Variants in TMEM94 observed in about 807,000 individuals in gnomAD.
TMEM94 encodes the protein ER Mg2+ ATPase.
In TMEM94, 81 loss-of-function variants were observed where a neutral mutation model predicts 158.6. The observed-to-expected ratio is 0.51, with a 90% CI of 0.43 to 0.61. The LOEUF is 0.61. Among genes scored for constraint, TMEM94 ranks in the 20% least tolerant of loss-of-function variants. The pLI, the probability that TMEM94 is intolerant of heterozygous loss-of-function variation, is 0.00. For missense variants in TMEM94, 1,435 were observed against 1,762.0 expected, an observed-to-expected ratio of 0.81 and a Z score of 3.32; for synonymous variants, 751 against 730.7, an observed-to-expected ratio of 1.03 and a Z score of -0.45.
At chr17:75,486,829 G>C (rs2051660993) in intron 5 of TMEM94, among the ~76,000 whole-genome samples, 2 of 152,228 alleles carry the variant, frequency 1.3e-5, no homozygotes, top group South Asian at 4.1e-4. Context: ...GGTGGGGTAG[G>C]GGCCGGGAGC....
chr17:75,489,591 A>C lies in TMEM94; in HGVS notation c.883A>C (p.Thr295Pro). ...VPVVLAGFLI[T>P]NALRFIFSAP... ...TTCCCAACAGGCCGGCTTCCTCATC[A>C]CCAATGCCCTGCGCTTCATCTTCAG... Residue 295 changes from threonine to proline, a missense_variant, in exon 9 of 32, where the codon ACC becomes CCC. Thr to Pro is a conservative substitution (Grantham distance 38). This residue lies in a region of TMEM94 where 1,051 missense variants were observed against 1,254.4 expected (regional missense o/e 0.84). Transcript: ENST00000314256. The surrounding 1 kb of genome is among the most constrained non-coding windows in gnomAD (Gnocchi z 5.0). 1 of 1,613,782 alleles carries C rather than the reference A, an allele frequency of 6.2e-7. No homozygotes were observed. Among genetic ancestry groups the C allele is most frequent in the South Asian group, 1.1e-5 (1 of 91,054 alleles).
In TMEM94 at chr17:75,491,492, A is replaced by T; in HGVS notation, c.1386+37A>T. The stretch of plus-strand genomic sequence containing the variant: ...GGTACGGCCGGCTCCCATGGGCCCG[A>T]CTCTGGGCCAGGCTGTTTAGCCTTG... On this transcript the variant is annotated intron_variant, in intron 13 of 31. Transcript: ENST00000314256. The surrounding 1 kb of genome is among the most constrained non-coding windows in gnomAD (Gnocchi z 5.1). The T allele has an allele frequency of 6.2e-7, 1 of 1,613,316 alleles. No homozygotes were observed. The highest frequency in any genetic ancestry group is 8.5e-7 in the Non-Finnish European group (1 of 1,179,850).
rs1336158624 is a variant in TMEM94, at chr17:75,497,871, A to AAC, written c.3489+11_3489+12dup. 1.2e-6 allele frequency: 2 copies of AAC among 1,610,710 alleles called. No individual in the cohort carries two copies. Among genetic ancestry groups the AAC allele is most frequent in the Non-Finnish European group, 1.7e-6 (2 of 1,177,248 alleles). On this transcript the variant is annotated intron_variant, in intron 27 of 31. Transcript: ENST00000314256. ...AGTCCATTCCCAAGAAGGTAAGCAA[A>AAC]ACAGACCCTGTGAGCCTTGCAAGTG...
At chr17:75,466,805 T>C (rs886253500) in intron 1 of TMEM94, among the ~76,000 whole-genome samples, 1 of 150,080 alleles carries the variant, frequency 6.7e-6, no homozygotes, top group Non-Finnish European at 1.5e-5. Context: ...GCAACAGGAG[T>C]GGGAAAAAAA....
rs769446223 is a variant in TMEM94, at chr17:75,492,429, C to G, written c.1597-45C>G. The G allele has an allele frequency of 1.3e-6, 2 of 1,539,586 alleles. No homozygotes were observed. The highest frequency in any genetic ancestry group is 8.8e-7 in the Non-Finnish European group (1 of 1,140,346). On this transcript the variant is annotated intron_variant, in intron 14 of 31. Transcript: ENST00000314256. This position sits in a 1 kb window ranked among gnomAD's most constrained non-coding sequence, Gnocchi z 4.4. ...GTGGGCAGAGCCAGTGCTGGCTTCCCCACACCCTATCCCGGGCTGAGGCTC... is the reference window on the plus strand; with the variant it reads ...GTGGGCAGAGCCAGTGCTGGCTTCCGCACACCCTATCCCGGGCTGAGGCTC...
chr17:75,460,301 G>A (rs1376355544), intron 1 of TMEM94, among the ~76,000 whole-genome samples: 1 of 152,084 alleles, frequency 6.6e-6, no homozygotes, highest in African/African-American at 2.4e-5. Flanking sequence ...AACTTCAAGG[G>A]CTTCTTGAAA....
In TMEM94 at chr17:75,489,297, G is replaced by T; in HGVS notation, c.796G>T (p.Val266Phe). 1.9e-6 allele frequency: 3 copies of T among 1,614,220 alleles called. No individual in the cohort carries two copies. The highest frequency in any genetic ancestry group is 2.5e-6 in the Non-Finnish European group (3 of 1,180,046). The change falls in exon 8 of 32, where the codon GTC becomes TTC. Residue 266 changes from valine to phenylalanine, a missense_variant. By Grantham distance (50) the Val-to-Phe change is conservative. Transcript: ENST00000314256. The surrounding 1 kb of genome is among the most constrained non-coding windows in gnomAD (Gnocchi z 5.0). ...WCLDMALSRP[V>F]TALDNERFTV... The stretch of plus-strand genomic sequence containing the variant: ...CCTGGACATGGCCCTGTCCCGACCA[G>T]TCACTGCCCTGGACAATGAGCGGTT...
intron 1 of TMEM94, among the ~76,000 whole-genome samples, chr17:75,465,681 T>TATATATATATA (rs1491206835): frequency 5.2e-4 from 32 of 61,932 alleles, no homozygotes; most frequent in African/African-American, 1.7e-3. Context: ...ATATATATAT[T>TATATATATATA]TTTTTTTAAT....
intron 1 of TMEM94, among the ~76,000 whole-genome samples, chr17:75,465,737 G>C (rs966301272): frequency 6.8e-6 from 1 of 147,378 alleles, no homozygotes; most frequent in African/African-American, 2.6e-5. Flanking sequence ...CGTGATTTTG[G>C]TATGTTGCTC....
At chr17:75,476,869 G>T in intron 2 of TMEM94, 2 of 1,413,132 alleles carry the variant, frequency 1.4e-6, no homozygotes, top group Non-Finnish European at 1.9e-6. Flanking sequence ...GAGGCTGCTT[G>T]AATGAGCATG....
chr17:75,487,566 G>A lies in TMEM94; in HGVS notation c.410-366G>A, dbSNP rs2051729598. Reference sequence around the variant, plus strand: ...GTGTTTGCCTTGTTTGGCGTTATCTGTCCACATGTCTCATCTGCCCCACTG... The same window carrying A: ...GTGTTTGCCTTGTTTGGCGTTATCTATCCACATGTCTCATCTGCCCCACTG... On this transcript the variant is annotated intron_variant, in intron 5 of 31. Coordinates refer to ENST00000314256, the MANE Select transcript of TMEM94 (RefSeq NM_014738.6). The surrounding 1 kb of genome is among the most constrained non-coding windows in gnomAD (Gnocchi z 4.6). 6.6e-6 allele frequency among the ~76,000 whole-genome samples: 1 copy of A among 152,216 alleles called. No individual in the cohort carries two copies. Among genetic ancestry groups the A allele is most frequent in the Non-Finnish European group, 1.5e-5 (1 of 68,042 alleles).
Position 75,491,898 on chromosome 17 carries a change from A to T in TMEM94, c.1594A>T (p.Lys532Ter). 6.2e-7 allele frequency: 1 copy of T among 1,610,294 alleles called. No individual in the cohort carries two copies. Among genetic ancestry groups the T allele is most frequent in the Non-Finnish European group, 8.5e-7 (1 of 1,178,572 alleles). Residue 532 changes from lysine to a stop codon, truncating the protein, a stop_gained and splice_region_variant, in exon 14 of 32, where the codon AAG (lysine) becomes TAG (stop). Transcript: ENST00000314256. LOFTEE classifies it high-confidence loss of function. The surrounding 1 kb of genome is among the most constrained non-coding windows in gnomAD (Gnocchi z 5.1). ...CGAGGGTGGTGAAGAAGAGCCCAGC[A>T]AGGTGACGGGAGGGGGTGGCACGGG... ...DTEGGEEEPS[K>*]TQPGMESDPY...
At chr17:75,457,229 G>C (rs897370746) in intron 1 of TMEM94, 1 of 152,268 alleles carries the variant, frequency 6.6e-6, no homozygotes, top group Middle Eastern at 3.1e-3. Context: ...CGGCCGAGGG[G>C]CTCCTGGCAG....
At chr17:75,464,683 CTTTCT>C (rs1567907082) in intron 1 of TMEM94, among the ~76,000 whole-genome samples, 68 of 68,478 alleles carry the variant, frequency 9.9e-4, no homozygotes, top group East Asian at 7.2e-3. Flanking sequence ...TTCCTTCTTT[CTTTCT>C]TTCTTTCTTT....
intron 1 of TMEM94, among the ~76,000 whole-genome samples, chr17:75,465,351 T>C (rs1204886521): frequency 5.3e-5 from 8 of 152,066 alleles, no homozygotes; most frequent in Non-Finnish European, 1.2e-4. Flanking sequence ...CAATAATTAA[T>C]GTTGTTGACC....
At chr17:75,459,067 A>AC (rs972055016) in intron 1 of TMEM94, among the ~76,000 whole-genome samples, 2 of 151,944 alleles carry the variant, frequency 1.3e-5, no homozygotes, top group African/African-American at 4.8e-5. Context: ...AAAAAAAAAA[A>AC]AACAAAAAAA....
intron 2 of TMEM94, among the ~76,000 whole-genome samples, chr17:75,477,733 G>A (rs1373118674): frequency 6.6e-6 from 1 of 152,012 alleles, no homozygotes; most frequent in African/African-American, 2.4e-5. Context: ...CAGGGCGGCC[G>A]GGCGCAGTGG....
rs563082701 is a variant in TMEM94 at position 75,495,471 on chromosome 17, G to A, written c.2844+72G>A. The A allele has an allele frequency of 1.8e-4, 289 of 1,590,850 alleles. No homozygotes were observed. Among genetic ancestry groups the A allele is most frequent in the Non-Finnish European group, 2.3e-4 (272 of 1,160,116 alleles). ...GCTGGTCCAGGGGAGAGGTAGAGAGGTGGTGGGCAGGCGGTGGAGGGGAGG... is the reference window on the plus strand; with the variant it reads ...GCTGGTCCAGGGGAGAGGTAGAGAGATGGTGGGCAGGCGGTGGAGGGGAGG... On this transcript the variant is annotated intron_variant, in intron 21 of 31. Coordinates refer to ENST00000314256, the MANE Select transcript of TMEM94 (RefSeq NM_014738.6). The surrounding 1 kb of genome is among the most constrained non-coding windows in gnomAD (Gnocchi z 5.6).
rs2052309601 is a variant in TMEM94 at position 75,492,620 on chromosome 17, C to T, written c.1743C>T (p.Ser581=). 3 of 1,614,106 alleles carry T rather than the reference C, an allele frequency of 1.9e-6. No homozygotes were observed. Among genetic ancestry groups the T allele is most frequent in the Non-Finnish European group, 2.5e-6 (3 of 1,180,026 alleles). ...DDSNWQLHLT[S]LKPLGLNVLL... ...CCAACTGGCAGCTGCACCTCACCTC[C>T]CTCAAACCCCTGGGCCTCAATGTGC... is the stretch of plus-strand genomic sequence containing the variant. Residue 581 remains serine (S), a synonymous_variant, in exon 15 of 32, where the codon TCC becomes TCT. Coordinates refer to ENST00000314256, the MANE Select transcript of TMEM94 (RefSeq NM_014738.6). The surrounding 1 kb of genome is among the most constrained non-coding windows in gnomAD (Gnocchi z 4.4).
Sources: allele counts gnomAD v4.1 joint callset (sites outside exome capture counted in the v4.1 genomes callset), GRCh38; gene constraint gnomAD v4.1.1; regional missense constraint gnomAD v4.1.1; non-coding constraint Gnocchi (gnomAD v3.1); transcripts MANE v1.5; gene names NCBI Gene and HGNC (gene_info 2026-07-23, HGNC 2026-07-21).